Variants in METTL14 observed in about 807,000 individuals in gnomAD.
The protein encoded by METTL14 is N(6)-adenosine-methyltransferase non-catalytic subunit METTL14.
A neutral mutation model predicts 62.4 loss-of-function variants in METTL14; 32 were observed. The ratio of observed to expected loss-of-function variants is 0.51; its 90% CI spans 0.39 to 0.69. The LOEUF (loss-of-function observed/expected upper bound fraction) is 0.69, where lower values mean the gene tolerates loss of function less well. METTL14 is among the 30% of genes least tolerant of loss of function. The pLI, the probability that METTL14 is intolerant of heterozygous loss-of-function variation, is 0.00. For missense variants in METTL14, 340 were observed against 551.9 expected, an observed-to-expected ratio of 0.62 and a Z score of 3.85; for synonymous variants, 150 against 180.0, an observed-to-expected ratio of 0.83 and a Z score of 1.34.
At chr4:118,703,680 T>C (rs1356734203) in intron 8 of METTL14, among the ~76,000 whole-genome samples, 2 of 152,208 alleles carry the variant, frequency 1.3e-5, no homozygotes, top group Non-Finnish European at 2.9e-5. Context: ...GATGATGTAA[T>C]CCTTTCTATG....
At chr4:118,698,850 C>T (rs895622155) in intron 7 of METTL14, among the ~76,000 whole-genome samples, 1 of 152,088 alleles carries the variant, frequency 6.6e-6, no homozygotes, top group African/African-American at 2.4e-5. Context: ...TTTCAAAATA[C>T]ATATTTTAGA....
Position 118,713,906 on chromosome 4 carries a change from C to T in METTL14, c.*3604C>T, listed in dbSNP as rs1029792516. The stretch of plus-strand genomic sequence containing the variant: ...AGCTGTAATGCACAGAGAAAAACTA[C>T]CTCATTCAATCTAGATAATTGGGAC... On this transcript the variant is annotated 3_prime_UTR_variant, in exon 11 of 11. Coordinates refer to ENST00000388822, the MANE Select transcript of METTL14 (RefSeq NM_020961.4). The T allele has an allele frequency of 2.0e-5, 3 of 152,210 alleles. No individual in the cohort carries two copies. The highest frequency in any genetic ancestry group is 7.2e-5 in the African/African-American group (3 of 41,444). The allele number at this position is 152,210 out of a possible 1,614,324, so 9.4% of individuals were successfully genotyped here.
intron 10 of METTL14, 87 bp from the exon 11 acceptor site, chr4:118,709,911 A>G (rs1724867107): frequency 8.0e-7 from 1 of 1,250,994 alleles, no homozygotes; most frequent in African/African-American, 1.5e-5. Flanking sequence ...ATCTTTAAGA[A>G]TGCATTGGGG....
Position 118,715,169 on chromosome 4 carries a change from CT to C in METTL14, c.*4869del, listed in dbSNP as rs1372867909. 1 of 152,180 alleles carries C rather than the reference CT, an allele frequency of 6.6e-6. No individual in the cohort carries two copies. Among genetic ancestry groups the C allele is most frequent in the Non-Finnish European group, 1.5e-5 (1 of 68,032 alleles). The allele number at this position is 152,180 out of a possible 1,614,324, so 9.4% of individuals were successfully genotyped here. On this transcript the variant is annotated 3_prime_UTR_variant, in exon 11 of 11. Transcript: ENST00000388822. ...CACAAAATACACCTTTTAGATAATCCTTACCTGTACAGATTTTTATAACTGT... is the reference window on the plus strand; with the variant it reads ...CACAAAATACACCTTTTAGATAATCCTACCTGTACAGATTTTTATAACTGT...
chr4:118,697,976 G>A (rs796786056), intron 7 of METTL14, among the ~76,000 whole-genome samples: 3 of 152,216 alleles, frequency 2.0e-5, no homozygotes, highest in African/African-American at 7.2e-5. Context: ...CGACTATCTG[G>A]TTGTGGGGTG....
At chr4:118,686,425 G>A (rs966062265) in intron 1 of METTL14, 1 of 357,246 alleles carries the variant, frequency 2.8e-6, no homozygotes, top group Non-Finnish European at 5.5e-6. Context: ...ATTCAGATCA[G>A]TAAAAGTGAT....
rs142886034 is a variant in METTL14, at chr4:118,703,002, G to A, written c.739-933G>A. ...ATACTTTAAGTTCTGGGATACATGT[G>A]CAGAACGTGCAGGTTTGTTACATAG... On this transcript the variant is annotated intron_variant, in intron 8 of 10. Coordinates refer to ENST00000388822, the MANE Select transcript of METTL14 (RefSeq NM_020961.4). Among the ~76,000 whole-genome samples the A allele has an allele frequency of 3.0e-3, 442 of 148,950 alleles. 7 individuals are homozygous for A. In the East Asian group the frequency reaches 0.045, roughly 15 times the overall value.
intron 7 of METTL14, among the ~76,000 whole-genome samples, chr4:118,699,683 A>G (rs575612436): frequency 6.6e-6 from 1 of 152,336 alleles, no homozygotes; most frequent in African/African-American, 2.4e-5. Flanking sequence ...AGGTACAAGA[A>G]CTTCAATTAT....
intron 10 of METTL14, among the ~76,000 whole-genome samples, chr4:118,708,542 T>C (rs1642988398): frequency 6.6e-6 from 1 of 152,216 alleles, no homozygotes; most frequent in Admixed American, 6.5e-5. Flanking sequence ...AATTAACCTT[T>C]TTTTCTTCAA....
chr4:118,687,854 G>A, intron 1 of METTL14, 69 bp from the exon 2 acceptor site: 1 of 1,186,838 alleles, frequency 8.4e-7, no homozygotes, highest in Non-Finnish European at 1.2e-6. Context: ...TGTATTAAAT[G>A]CTGCTACAAA....
At chr4:118,695,889 A>C (rs953717143) in intron 6 of METTL14, among the ~76,000 whole-genome samples, 3 of 151,984 alleles carry the variant, frequency 2.0e-5, no homozygotes, top group African/African-American at 7.2e-5. Context: ...AGGTGGGCGG[A>C]TCATTAGATC....
intron 10 of METTL14, among the ~76,000 whole-genome samples, chr4:118,706,546 T>C (rs1478489446): frequency 6.6e-6 from 1 of 152,252 alleles, no homozygotes; most frequent in Non-Finnish European, 1.5e-5. Context: ...AATGGAAATC[T>C]GTGTACAGGT....
chr4:118,690,977 G>T (rs931366372), intron 3 of METTL14, among the ~76,000 whole-genome samples: 2 of 152,010 alleles, frequency 1.3e-5, no homozygotes, highest in Non-Finnish European at 2.9e-5. Context: ...CAAGTTAATT[G>T]TATATAATAG....
At chr4:118,689,539 A>T in intron 3 of METTL14, 82 bp downstream of exon 3, 1 of 718,672 alleles carries the variant, frequency 1.4e-6, no homozygotes, top group Admixed American at 2.9e-5. Flanking sequence ...AACAAATTTG[A>T]TGGAAAGCCT....
At chr4:118,687,544 T>C (rs1724106612) in intron 1 of METTL14, among the ~76,000 whole-genome samples, 1 of 152,212 alleles carries the variant, frequency 6.6e-6, no homozygotes. Flanking sequence ...TGGAGTTGTG[T>C]TCTGATAAAC....
Position 118,714,626 on chromosome 4 carries a change from ACCC to A in METTL14, c.*4325_*4327del, listed in dbSNP as rs1725005049. The A allele has an allele frequency of 6.6e-6, 1 of 152,200 alleles. No individual in the cohort carries two copies. The highest frequency in any genetic ancestry group is 2.1e-4 in the South Asian group (1 of 4,826). The allele number at this position is 152,200 out of a possible 1,614,324, so 9.4% of individuals were successfully genotyped here. A position where few individuals can be genotyped will look rare whatever the true frequency, so the allele number is the denominator to read the frequency against. Reference sequence around the variant, plus strand: ...TATTTTTTGAGACAGAGTCTCTGTTACCCAGGCTGGGGGGCAGTGATAAGATCT... The same window carrying A: ...TATTTTTTGAGACAGAGTCTCTGTTAAGGCTGGGGGGCAGTGATAAGATCT... On this transcript the variant is annotated 3_prime_UTR_variant, in exon 11 of 11. Coordinates refer to ENST00000388822, the MANE Select transcript of METTL14 (RefSeq NM_020961.4).
At chr4:118,688,978 T>C (rs112176276) in intron 2 of METTL14, among the ~76,000 whole-genome samples, 7 of 152,298 alleles carry the variant, frequency 4.6e-5, no homozygotes, top group African/African-American at 1.7e-4. Context: ...AGCCTAAAAA[T>C]TTTTATAAAA....
intron 5 of METTL14, among the ~76,000 whole-genome samples, chr4:118,692,618 C>A (rs999944783): frequency 6.6e-6 from 1 of 152,016 alleles, no homozygotes; most frequent in Non-Finnish European, 1.5e-5. Context: ...TTGTTTGTTT[C>A]TTTTTGGCTC....
chr4:118,697,852 T>C (rs1480296968), intron 7 of METTL14, among the ~76,000 whole-genome samples: 1 of 151,882 alleles, frequency 6.6e-6, no homozygotes, highest in Non-Finnish European at 1.5e-5. Flanking sequence ...CATAGGAACA[T>C]AGAGGAGGTG....
Sources: gnomAD v4.1 joint callset for allele counts (sites outside exome capture counted in the v4.1 genomes callset) on GRCh38, gnomAD v4.1.1 for gene constraint, MANE v1.5 for transcripts, NCBI Gene and HGNC (gene_info 2026-07-23, HGNC 2026-07-21) for gene names.